The following ZNF75D variants were observed in gnomAD, a reference collection of about 807,000 sequenced individuals.
ZNF75D encodes the protein zinc finger protein 75.
Under a neutral mutation model 33.3 loss-of-function variants are expected in ZNF75D, and 33 were observed. The ratio of observed to expected loss-of-function variants is 0.99; its 90% CI spans 0.75 to 1.32. The LOEUF is 1.32. ZNF75D is among the 40% of genes most tolerant of loss of function. The pLI, the probability that ZNF75D is intolerant of heterozygous loss-of-function variation, is 0.00. For synonymous variants in ZNF75D, 113 were observed against 130.6 expected, an observed-to-expected ratio of 0.87 and a Z score of 0.92; for missense variants, 338 against 367.5, an observed-to-expected ratio of 0.92 and a Z score of 0.66.
At chrX:135,329,569 C>G (rs1481564341) in intron 1 of ZNF75D, among the ~76,000 whole-genome samples, 1 of 112,299 alleles carries the variant, frequency 8.9e-6, no homozygotes, top group African/African-American at 3.2e-5. Context: ...ATAGAGAACC[C>G]CATCATCTTT....
At chrX:135,315,789 T>C (rs2084412948) in intron 1 of ZNF75D, among the ~76,000 whole-genome samples, 1 of 111,055 alleles carries the variant, frequency 9.0e-6, no homozygotes, top group South Asian at 3.7e-4. Flanking sequence ...AATATACTTT[T>C]CCACCCCTTT....
chrX:135,283,190 A>G (rs2083927104), downstream of ZNF75D, among the ~76,000 whole-genome samples: 1 of 111,389 alleles, frequency 9.0e-6, no homozygotes, highest in South Asian at 3.8e-4. Context: ...GCTCTCAAAC[A>G]TGGCTCCTGA....
intron 1 of ZNF75D, among the ~76,000 whole-genome samples, chrX:135,324,082 G>C (rs1443245252): frequency 6.3e-5 from 7 of 111,049 alleles, no homozygotes; most frequent in East Asian, 2.8e-4. Context: ...GCTTTCTGGG[G>C]AGAGGAGGGC....
intron 1 of ZNF75D, among the ~76,000 whole-genome samples, chrX:135,260,270 C>G (rs2080237949): frequency 9.0e-6 from 1 of 111,591 alleles, no homozygotes; most frequent in African/African-American, 3.3e-5. Context: ...TTTGTTGTGT[C>G]TCTGCCAGGC....
At chrX:135,338,392 C>T (rs949344875) in intron 1 of ZNF75D, among the ~76,000 whole-genome samples, 54 of 111,953 alleles carry the variant, frequency 4.8e-4, no homozygotes, top group African/African-American at 1.6e-3. Flanking sequence ...AGAAAGCATG[C>T]GATTACAAGT....
intron 2 of ZNF75D, among the ~76,000 whole-genome samples, chrX:135,295,033 A>C (rs1226636871): frequency 1.8e-5 from 2 of 112,033 alleles, no homozygotes; most frequent in Non-Finnish European, 3.8e-5. Flanking sequence ...GTGGTTAAAA[A>C]CAAAAAAGAA....
At chrX:135,318,987 C>T (rs142761483) in intron 1 of ZNF75D, among the ~76,000 whole-genome samples, 12 of 111,961 alleles carry the variant, frequency 1.1e-4, no homozygotes, top group African/African-American at 2.9e-4. Flanking sequence ...TTCTGTCCAA[C>T]AGACTCCTTT....
At position 135,318,362 on chromosome X, in the gene ZNF75D, A is replaced by ACTTT. The variant is rs781921026; in HGVS notation, c.-390-22327_-390-22324dup. ...TACCAACTTTCCTCTTCCAGCTCCA[A>ACTTT]CTTTCTTTCTTTTCCTTTCTCTACT... On this transcript the variant is annotated intron_variant, in intron 1 of 6. Transcript: ENST00000370766. Among the ~76,000 whole-genome samples, 31 of 110,147 alleles carry ACTTT rather than the reference A, an allele frequency of 2.8e-4. 1 individual carries two copies. The East Asian group carries it at 8.9e-3, about 32-fold the overall frequency.
rs782234936 is a variant in ZNF75D, at chrX:135,292,341, C to T, written c.544G>A (p.Val182Ile). ...TTCCAGCCCAGCTGTTCTTGTAGTA[C>T]CCGGTATGTATTCCAATATTCTTTC... Reference protein sequence around the residue: ...FQKEYWNTYRVLQEQLGWNTH... With the variant: ...FQKEYWNTYRILQEQLGWNTH... The change falls in exon 4 of 7, where the codon GTA (valine) becomes ATA (isoleucine). Residue 182 changes from valine (V) to isoleucine (I), a missense_variant. This residue lies in a region of ZNF75D where 254 missense variants were observed against 267.7 expected (regional missense o/e 0.95). Coordinates refer to ENST00000370766, the MANE Select transcript of ZNF75D (RefSeq NM_007131.5). The T allele has an allele frequency of 8.3e-7, 1 of 1,209,998 alleles. No individual in the cohort carries two copies. Among genetic ancestry groups the T allele is most frequent in the African/African-American group, 1.7e-5 (1 of 57,201 alleles).
At chrX:135,334,573 A>G (rs1446386053) in intron 1 of ZNF75D, among the ~76,000 whole-genome samples, 2 of 111,777 alleles carry the variant, frequency 1.8e-5, no homozygotes, top group Non-Finnish European at 3.8e-5. Flanking sequence ...AACAAGAAGT[A>G]GGAATGAAAC....
At chrX:135,322,070 T>C (rs782568675) in intron 1 of ZNF75D, among the ~76,000 whole-genome samples, 3 of 112,205 alleles carry the variant, frequency 2.7e-5, no homozygotes, top group Non-Finnish European at 3.8e-5. Flanking sequence ...TGTCAATTAA[T>C]CTTTGCTGAA....
At chrX:135,304,626 CA>C (rs1556425411) in intron 1 of ZNF75D, among the ~76,000 whole-genome samples, 1 of 112,301 alleles carries the variant, frequency 8.9e-6, no homozygotes, top group Non-Finnish European at 1.9e-5. Context: ...TTGATGTCTA[CA>C]ATGCAAATGT....
At chrX:135,267,238 TATA>T (rs1300784194) in intron 1 of ZNF75D, among the ~76,000 whole-genome samples, 15 of 111,154 alleles carry the variant, frequency 1.3e-4, no homozygotes, top group African/African-American at 3.9e-4. Context: ...AACCCAAAAT[TATA>T]ATAACAGAAA....
chrX:135,261,636 T>C (rs1366300874), intron 1 of ZNF75D, among the ~76,000 whole-genome samples: 1 of 111,787 alleles, frequency 8.9e-6, no homozygotes, highest in African/African-American at 3.3e-5. Context: ...TTTTTTTGTT[T>C]TCCATTTGCT....
At chrX:135,326,612 C>T (rs913986141) in intron 1 of ZNF75D, among the ~76,000 whole-genome samples, 17 of 112,027 alleles carry the variant, frequency 1.5e-4, no homozygotes, top group Non-Finnish European at 2.8e-4. Flanking sequence ...TTTGTTCTTC[C>T]GCTCTTTGCA....
At chrX:135,329,631 T>C (rs782548643) in intron 1 of ZNF75D, among the ~76,000 whole-genome samples, 105 of 112,183 alleles carry the variant, frequency 9.4e-4, no homozygotes, top group African/African-American at 3.1e-3. Flanking sequence ...CTATTAACAA[T>C]AGGAATTCAG....
intron 1 of ZNF75D, among the ~76,000 whole-genome samples, chrX:135,312,464 C>T (rs1556428825): frequency 2.7e-5 from 3 of 112,135 alleles, no homozygotes; most frequent in African/African-American, 9.7e-5. Flanking sequence ...CATGCGAGTG[C>T]AGGTATCCCT....
chrX:135,298,057 C>T (rs918232052), intron 1 of ZNF75D: 4 of 111,376 alleles, frequency 3.6e-5, no homozygotes, highest in African/African-American at 9.8e-5. Flanking sequence ...CCCATCTAAA[C>T]CTGATTACCT....
At chrX:135,270,049 T>C (rs1446913432) in intron 1 of ZNF75D, among the ~76,000 whole-genome samples, 2 of 109,213 alleles carry the variant, frequency 1.8e-5, no homozygotes, top group Non-Finnish European at 3.8e-5. Flanking sequence ...ATCAAAACAA[T>C]TGAACTCATG....
Sources: allele counts gnomAD v4.1 joint callset (sites outside exome capture counted in the v4.1 genomes callset), GRCh38; gene constraint gnomAD v4.1.1; regional missense constraint gnomAD v4.1.1; transcripts MANE v1.5; gene names NCBI Gene and HGNC (gene_info 2026-07-23, HGNC 2026-07-21).